MKLN1: variants seen among roughly 807,000 people sequenced by gnomAD.
The protein encoded by MKLN1 is muskelin 1, also known as muskelin.
MKLN1 carries 18 observed loss-of-function variants against 99.0 expected under a neutral mutation model. The observed-to-expected ratio is 0.18, with a 90% CI of 0.13 to 0.27. The LOEUF (loss-of-function observed/expected upper bound fraction) is 0.27, where lower values mean the gene tolerates loss of function less well. Among genes scored for constraint, MKLN1 ranks in the 10% least tolerant of loss-of-function variants. MKLN1 has a pLI of 1.00. For missense variants in MKLN1, 621 were observed against 875.9 expected (o/e 0.71, Z 3.67); for synonymous variants, 288 against 293.2 (o/e 0.98, Z 0.18).
chr7:131,422,503 A>G (rs983448965), intron 8 of MKLN1, among the ~76,000 whole-genome samples: 3 of 152,166 alleles, frequency 2.0e-5, no homozygotes, highest in Non-Finnish European at 2.9e-5. Flanking sequence ...GCAGTGAGCT[A>G]TGATTGTGCC....
At chr7:131,276,288 A>T (rs1447548457) in intron 3 of MKLN1, among the ~76,000 whole-genome samples, 1 of 152,134 alleles carries the variant, frequency 6.6e-6, no homozygotes, top group Non-Finnish European at 1.5e-5. Context: ...AGAGAGGGAG[A>T]GCTAGGGTGG....
chr7:131,234,243 G>A (rs1797284535), intron 3 of MKLN1, among the ~76,000 whole-genome samples: 1 of 151,904 alleles, frequency 6.6e-6, no homozygotes, highest in African/African-American at 2.4e-5. Context: ...GCCTCCCAAA[G>A]TGCTGGGATT....
At chr7:131,171,939 C>A (rs57571286) in intron 2 of MKLN1, among the ~76,000 whole-genome samples, 9,104 of 151,994 alleles carry the variant, frequency 0.06, 337 homozygotes, top group African/African-American at 0.12. Context: ...GTATTTTGGG[C>A]AACAATGAGG....
intron 3 of MKLN1, among the ~76,000 whole-genome samples, chr7:131,244,722 C>T (rs1256165536): frequency 6.6e-6 from 1 of 152,128 alleles, no homozygotes; most frequent in Non-Finnish European, 1.5e-5. Flanking sequence ...CTCAAAAGGA[C>T]TTTGGTGGCC....
intron 3 of MKLN1, among the ~76,000 whole-genome samples, chr7:131,243,886 G>A (rs1450973641): frequency 1.3e-5 from 2 of 152,088 alleles, no homozygotes; most frequent in East Asian, 1.9e-4. Context: ...ATGGTGGCAC[G>A]TTCCTGTAAT....
chr7:131,418,500 C>CA (rs896077918), intron 8 of MKLN1, among the ~76,000 whole-genome samples: 64 of 151,078 alleles, frequency 4.2e-4, no homozygotes, highest in Middle Eastern at 6.8e-3. Flanking sequence ...TATGAGCTTA[C>CA]AAAAAAAATC....
chr7:131,280,970 A>T (rs1194972386), intron 3 of MKLN1, among the ~76,000 whole-genome samples: 1 of 152,176 alleles, frequency 6.6e-6, no homozygotes, highest in Admixed American at 6.5e-5. Flanking sequence ...CATGATTTGC[A>T]AAGATTTTTT....
intron 3 of MKLN1, among the ~76,000 whole-genome samples, chr7:131,270,714 G>A (rs1246922031): frequency 2.0e-5 from 3 of 152,132 alleles, no homozygotes; most frequent in African/African-American, 4.8e-5. Flanking sequence ...GCTGGAGTCA[G>A]AGCAAAGAAT....
chr7:131,438,547 T>C (rs1233768421), intron 10 of MKLN1, among the ~76,000 whole-genome samples: 1 of 150,724 alleles, frequency 6.6e-6, no homozygotes, highest in Non-Finnish European at 1.5e-5. Flanking sequence ...CATAGCCTCA[T>C]TGTAAGCCAT....
intron 1 of MKLN1, among the ~76,000 whole-genome samples, chr7:131,337,822 AATT>A (rs1170022650): frequency 3.3e-5 from 5 of 151,648 alleles, no homozygotes; most frequent in Admixed American, 6.6e-5. Context: ...TAATAGTAAT[AATT>A]ATTATTAGGC....
chr7:131,222,874 A>AG (rs1292066480), intron 3 of MKLN1, among the ~76,000 whole-genome samples: 12 of 151,416 alleles, frequency 7.9e-5, no homozygotes, highest in South Asian at 4.2e-4. Flanking sequence ...AAAAAAAAAA[A>AG]AAAGAAAGAA....
At chr7:131,464,194 A>AT in intron 13 of MKLN1, 100 bp from the exon 14 acceptor site, 1 of 590,040 alleles carries the variant, frequency 1.7e-6, no homozygotes, top group South Asian at 2.9e-5. Flanking sequence ...CATTTCTAAA[A>AT]TTTTTTGTTA....
rs184605789 is a variant in MKLN1 at position 131,215,330 on chromosome 7, G to T, written c.-179+12356G>T. ...CCCAAAGTGGTGGGATTACAGGCGT[G>T]AGCCTCTGTGCCCAGACAATTGTTG... is the stretch of plus-strand genomic sequence containing the variant. On this transcript the variant is annotated intron_variant, in intron 3 of 7. Coordinates refer to the MKLN1 transcript ENST00000416992. Among the ~76,000 whole-genome samples the T allele has an allele frequency of 2.0e-5, 3 of 152,344 alleles. No homozygotes were observed. The East Asian group carries it at 5.8e-4, about 29-fold the overall frequency.
At chr7:131,132,441 T>C (rs1373802900) in intron 1 of MKLN1, among the ~76,000 whole-genome samples, 4 of 152,184 alleles carry the variant, frequency 2.6e-5, no homozygotes, top group African/African-American at 7.2e-5. Context: ...CACATATACA[T>C]ACATACATAT....
At position 131,219,234 on chromosome 7, in the gene MKLN1, T is replaced by TAAAA. The variant is rs5887501; in HGVS notation, c.-179+16268_-179+16271dup. 3.2e-3 allele frequency among the ~76,000 whole-genome samples: 486 copies of TAAAA among 150,168 alleles called. 4 individuals are homozygous for TAAAA. The highest frequency in any genetic ancestry group is 0.011 in the African/African-American group (458 of 41,026). ...TTTTTTACCACAATTTTAAAAATGT[T>TAAAA]AAAAAAAAAAATAGTGTTAGCATCC... On this transcript the variant is annotated intron_variant, in intron 3 of 7. Coordinates refer to the MKLN1 transcript ENST00000416992.
intron 2 of MKLN1, among the ~76,000 whole-genome samples, chr7:131,380,099 G>T (rs1793798426): frequency 6.6e-6 from 1 of 152,192 alleles, no homozygotes; most frequent in Non-Finnish European, 1.5e-5. Flanking sequence ...TGAAGAGTGA[G>T]CGTGAACCAG....
At chr7:131,427,303 G>T (rs1440151169) in intron 8 of MKLN1, among the ~76,000 whole-genome samples, 1 of 152,128 alleles carries the variant, frequency 6.6e-6, no homozygotes, top group African/African-American at 2.4e-5. Context: ...ATGGCAAAAG[G>T]TTTTCTTAAA....
intron 1 of MKLN1, among the ~76,000 whole-genome samples, chr7:131,117,587 A>G (rs73481185): frequency 0.011 from 1,673 of 152,378 alleles, 28 homozygotes; most frequent in African/African-American, 0.038. Context: ...AAAAATTACA[A>G]TGAAGAACAA....
At chr7:131,336,342 G>A (rs1799250198) in intron 1 of MKLN1, among the ~76,000 whole-genome samples, 1 of 151,794 alleles carries the variant, frequency 6.6e-6, no homozygotes, top group African/African-American at 2.4e-5. Context: ...TATATTTGGG[G>A]TCTGTTTCTT....
Sources: allele counts gnomAD v4.1 joint callset (sites outside exome capture counted in the v4.1 genomes callset), GRCh38; gene constraint gnomAD v4.1.1; transcripts MANE v1.5; gene names NCBI Gene and HGNC (gene_info 2026-07-23, HGNC 2026-07-21).